The following MAP4K3 variants were observed in gnomAD, a reference collection of about 807,000 sequenced individuals.
The protein encoded by MAP4K3 is mitogen-activated protein kinase kinase kinase kinase 3.
Under a neutral mutation model 143.5 loss-of-function variants are expected in MAP4K3, and 94 were observed. The observed-to-expected ratio is 0.65, with a 90% CI of 0.55 to 0.78. The LOEUF is 0.78. Ranked by LOEUF, MAP4K3 falls within the 30% of genes least tolerant of loss-of-function variation. The pLI is 0.00. For synonymous variants in MAP4K3, 416 were observed against 347.2 expected, an observed-to-expected ratio of 1.20 and a Z score of -2.20; for missense variants, 1,077 against 1,068.1, an observed-to-expected ratio of 1.01 and a Z score of -0.12.
At chr2:39,419,194 T>A (rs1010368304) in intron 1 of MAP4K3, among the ~76,000 whole-genome samples, 1 of 152,154 alleles carries the variant, frequency 6.6e-6, no homozygotes, top group African/African-American at 2.4e-5. Context: ...CCAAAACAAC[T>A]AATTTTATCA....
chr2:39,354,436 C>T (rs1000604877), intron 3 of MAP4K3, among the ~76,000 whole-genome samples: 1 of 151,608 alleles, frequency 6.6e-6, no homozygotes, highest in Admixed American at 6.6e-5. Context: ...GACTGAGATT[C>T]CATCTCAAAA....
chr2:39,433,178 C>T (rs1665347355), intron 1 of MAP4K3, among the ~76,000 whole-genome samples: 1 of 152,140 alleles, frequency 6.6e-6, no homozygotes, highest in South Asian at 2.1e-4. Flanking sequence ...GAAGCCCAGT[C>T]CAGAAGTCAC....
intron 2 of MAP4K3, among the ~76,000 whole-genome samples, chr2:39,373,787 T>C (rs1423390622): frequency 6.6e-6 from 1 of 152,172 alleles, no homozygotes; most frequent in Non-Finnish European, 1.5e-5. Context: ...TACCATAGGC[T>C]GGGAAGCTTA....
chr2:39,386,340 C>A (rs75519850), intron 1 of MAP4K3, among the ~76,000 whole-genome samples: 7,310 of 152,246 alleles, frequency 0.048, 294 homozygotes, highest in African/African-American at 0.11. Context: ...GTTGAAGCCA[C>A]CCAGTCTGTG....
At chr2:39,412,063 A>C (rs1443636210) in intron 1 of MAP4K3, among the ~76,000 whole-genome samples, 1 of 152,208 alleles carries the variant, frequency 6.6e-6, no homozygotes, top group African/African-American at 2.4e-5. Context: ...GTGGAATTGG[A>C]ATATTACAGT....
At chr2:39,317,313 A>G (rs1179429466) in intron 12 of MAP4K3, among the ~76,000 whole-genome samples, 1 of 152,218 alleles carries the variant, frequency 6.6e-6, no homozygotes, top group Non-Finnish European at 1.5e-5. Context: ...AAGACCCTTG[A>G]AGAAAACCTA....
chr2:39,349,253 T>A (rs760798218), intron 3 of MAP4K3, among the ~76,000 whole-genome samples: 1 of 152,204 alleles, frequency 6.6e-6, no homozygotes, highest in African/African-American at 2.4e-5. Context: ...GTGAAGAAAA[T>A]TTTTAAACTT....
At chr2:39,406,361 T>A (rs150282135) in intron 1 of MAP4K3, among the ~76,000 whole-genome samples, 1 of 152,074 alleles carries the variant, frequency 6.6e-6, no homozygotes, top group East Asian at 1.9e-4. Context: ...GAGAAAGATA[T>A]TAATATCCAA....
intron 28 of MAP4K3, among the ~76,000 whole-genome samples, chr2:39,263,559 G>C (rs925329403): frequency 5.3e-5 from 8 of 151,682 alleles, no homozygotes; most frequent in African/African-American, 1.9e-4. Context: ...GATTACAAGC[G>C]TGAGCCACCG....
intron 6 of MAP4K3, among the ~76,000 whole-genome samples, chr2:39,335,662 C>T (rs920119955): frequency 3.3e-5 from 5 of 152,298 alleles, no homozygotes; most frequent in Admixed American, 2.6e-4. Flanking sequence ...CCTCCCAGAT[C>T]ATCTACATGC....
At position 39,282,570 on chromosome 2, in the gene MAP4K3, A is replaced by G. The variant is rs368082867; in HGVS notation, c.1588-16T>C. 3.4e-5 allele frequency: 55 copies of G among 1,598,610 alleles called. 1 individual carries two copies. In the African/African-American group the frequency reaches 7.0e-4, roughly 20 times the overall value. On this transcript the variant is annotated splice_polypyrimidine_tract_variant and intron_variant, in intron 21 of 33. Coordinates refer to ENST00000263881, the MANE Select transcript of MAP4K3 (RefSeq NM_003618.4). Reference sequence around the variant, plus strand: ...TAATAGGCTTCTAGAAAAAGAACACATGTATGATTACACTTTTTTTGCTGC... The same window carrying G: ...TAATAGGCTTCTAGAAAAAGAACACGTGTATGATTACACTTTTTTTGCTGC...
intron 2 of MAP4K3, among the ~76,000 whole-genome samples, chr2:39,371,286 G>C (rs1285530199): frequency 3.9e-5 from 6 of 152,070 alleles, no homozygotes; most frequent in African/African-American, 1.2e-4. Context: ...TATGTAAAGG[G>C]GCAGACTTCA....
At chr2:39,391,936 A>C (rs1009157085) in intron 1 of MAP4K3, among the ~76,000 whole-genome samples, 1 of 152,026 alleles carries the variant, frequency 6.6e-6, no homozygotes, top group Non-Finnish European at 1.5e-5. Context: ...TAATCCTAGC[A>C]CTTTGGGAGG....
At chr2:39,427,427 T>C (rs1171934828) in intron 1 of MAP4K3, among the ~76,000 whole-genome samples, 1 of 151,938 alleles carries the variant, frequency 6.6e-6, no homozygotes, top group Non-Finnish European at 1.5e-5. Context: ...GCAAAGAAAT[T>C]GAAAACTCCT....
intron 1 of MAP4K3, among the ~76,000 whole-genome samples, chr2:39,404,594 T>TC (rs1205355052): frequency 6.6e-6 from 1 of 151,232 alleles, no homozygotes; most frequent in Non-Finnish European, 1.5e-5. Flanking sequence ...TTCTGAGGTT[T>TC]CTTTTTTTTT....
chr2:39,378,693 C>T (rs997620975), intron 1 of MAP4K3, among the ~76,000 whole-genome samples: 1 of 151,946 alleles, frequency 6.6e-6, no homozygotes, highest in African/African-American at 2.4e-5. Context: ...TGAAAACAGG[C>T]CCCCTGCATC....
At chr2:39,333,214 T>G (rs555083966) in intron 7 of MAP4K3, among the ~76,000 whole-genome samples, 1 of 152,288 alleles carries the variant, frequency 6.6e-6, no homozygotes, top group Admixed American at 6.5e-5. Flanking sequence ...TTTGTCTTAT[T>G]TTTTGGTTAC....
chr2:39,281,039 T>C (rs1049006557), intron 22 of MAP4K3, among the ~76,000 whole-genome samples: 2 of 152,148 alleles, frequency 1.3e-5, no homozygotes, highest in Non-Finnish European at 2.9e-5. Flanking sequence ...GAGCAAAATA[T>C]TAACTCTGAA....
At chr2:39,303,923 T>C (rs192098231) in intron 15 of MAP4K3, among the ~76,000 whole-genome samples, 272 of 151,224 alleles carry the variant, frequency 1.8e-3, no homozygotes, top group African/African-American at 6.3e-3. Flanking sequence ...CTATGCAAAT[T>C]AGAAAAAAAT....
Sources: gnomAD v4.1 joint callset for allele counts (sites outside exome capture counted in the v4.1 genomes callset) on GRCh38, gnomAD v4.1.1 for gene constraint, MANE v1.5 for transcripts, NCBI Gene and HGNC (gene_info 2026-07-23, HGNC 2026-07-21) for gene names.